The following NDEL1 variants were observed in gnomAD, a reference collection of about 807,000 sequenced individuals.
NDEL1 encodes nuclear distribution protein nudE-like 1.
A neutral mutation model predicts 45.7 loss-of-function variants in NDEL1; 9 were observed. That is an observed-to-expected ratio of 0.20 (90% confidence interval 0.12 to 0.34). The LOEUF (loss-of-function observed/expected upper bound fraction) is 0.34. NDEL1 is among the 10% of genes least tolerant of loss of function. NDEL1 has a pLI of 1.00. For synonymous variants in NDEL1, 133 were observed against 158.6 expected (o/e 0.84, Z 1.21); for missense variants, 306 against 406.2 (o/e 0.75, Z 2.12).
At chr17:8,439,139 C>T (rs1183079902) in intron 1 of NDEL1, among the ~76,000 whole-genome samples, 3 of 151,584 alleles carry the variant, frequency 2.0e-5, no homozygotes, top group Non-Finnish European at 4.4e-5. Flanking sequence ...GACGGGGTTT[C>T]ACCATGTTAG....
chr17:8,450,744 G>C, intron 5 of NDEL1, 36 bp from the exon 6 acceptor site: 1 of 1,577,420 alleles, frequency 6.3e-7, no homozygotes, highest in Non-Finnish European at 8.6e-7. Context: ...GCTCCCTCTA[G>C]TGAGTATTCC....
chr17:8,452,441 T>G (rs1165348486), intron 6 of NDEL1, among the ~76,000 whole-genome samples: 2 of 152,144 alleles, frequency 1.3e-5, no homozygotes, highest in Non-Finnish European at 2.9e-5. Context: ...GCCAACCCTA[T>G]GGCAGTAATA....
chr17:8,435,571 CA>C (rs2151702741), upstream of NDEL1, among the ~76,000 whole-genome samples: 1 of 152,358 alleles, frequency 6.6e-6, no homozygotes, highest in South Asian at 2.1e-4. Flanking sequence ...GGAACACAGA[CA>C]CATGGACACT....
chr17:8,416,039 G>A (rs773226190), intron 1 of NDEL1, among the ~76,000 whole-genome samples: 5 of 152,104 alleles, frequency 3.3e-5, no homozygotes, highest in Admixed American at 6.6e-5. Flanking sequence ...GAGCCACCGC[G>A]CCTGGCCCAT....
rs2151717018 is a variant in NDEL1, at chr17:8,445,642, A to G, written c.87-69A>G. The G allele has an allele frequency of 5.3e-6, 8 of 1,511,732 alleles. No homozygotes were observed. The South Asian group carries it at 6.7e-5, about 13-fold the overall frequency. 93.6% of individuals were successfully genotyped at this position (1,511,732 alleles called of 1,614,324 possible). ...CAAGCAAAAATTATCGAATTGCTCT[A>G]TAATCACCTCCAAGACAATCCTTGT... On this transcript the variant is annotated intron_variant, in intron 2 of 8. Coordinates refer to ENST00000334527, the MANE Select transcript of NDEL1 (RefSeq NM_030808.5).
chr17:8,436,517 C>A (rs1597522710), intron 1 of NDEL1: 3 of 152,372 alleles, frequency 2.0e-5, no homozygotes, highest in Admixed American at 1.3e-4. Context: ...CCATGGGGGG[C>A]GAGAGCGCGA....
intron 1 of NDEL1, among the ~76,000 whole-genome samples, chr17:8,428,349 T>TTTTTTTTTTTTTTTTTTTTCC (rs1908897164): frequency 7.4e-6 from 1 of 135,130 alleles, no homozygotes; most frequent in Non-Finnish European, 1.6e-5. Context: ...TGTGTGTGTG[T>TTTTTTTTTTTTTTTTTTTTCC]GTGTGTGTGT....
chr17:8,450,171 C>G (rs1408175150), intron 5 of NDEL1, among the ~76,000 whole-genome samples: 1 of 151,800 alleles, frequency 6.6e-6, no homozygotes, highest in Non-Finnish European at 1.5e-5. Flanking sequence ...CACCTGTAAT[C>G]CCAGCTACTT....
chr17:8,455,031 A>C, intron 7 of NDEL1, 144 bp downstream of exon 7: 1 of 742,734 alleles, frequency 1.3e-6, no homozygotes, highest in South Asian at 1.6e-5. Context: ...TCCATTGACT[A>C]GCCAAGTCCA....
intron 1 of NDEL1, among the ~76,000 whole-genome samples, chr17:8,414,909 C>G (rs899516191): frequency 6.6e-6 from 1 of 152,148 alleles, no homozygotes; most frequent in Non-Finnish European, 1.5e-5. Flanking sequence ...GATTATCTCT[C>G]AGTCTCTATT....
intron 1 of NDEL1, among the ~76,000 whole-genome samples, chr17:8,428,915 T>C (rs557956258): frequency 0.011 from 1,727 of 151,988 alleles, 13 homozygotes; most frequent in Non-Finnish European, 0.015. Context: ...CCTTGTGATC[T>C]GCCTGCCTTG....
intron 1 of NDEL1, among the ~76,000 whole-genome samples, chr17:8,437,064 A>G (rs1285086539): frequency 6.6e-6 from 1 of 152,230 alleles, no homozygotes; most frequent in Non-Finnish European, 1.5e-5. Flanking sequence ...CACCTAGGAT[A>G]AAAACGGCTG....
At chr17:8,428,617 C>T (rs1908916955) in intron 1 of NDEL1, among the ~76,000 whole-genome samples, 1 of 151,912 alleles carries the variant, frequency 6.6e-6, no homozygotes, top group African/African-American at 2.4e-5. Context: ...ACCACCCTGG[C>T]CTCCCAAAGT....
rs941225838 is a variant in NDEL1 at position 8,467,199 on chromosome 17, C to T, written c.*176C>T. Reference sequence around the variant, plus strand: ...GGCCCTGCCCAGCCCCGGAACTCTGCGCGATATCAATACTGGCTATTTTCT... The same window carrying T: ...GGCCCTGCCCAGCCCCGGAACTCTGTGCGATATCAATACTGGCTATTTTCT... On this transcript the variant is annotated 3_prime_UTR_variant, in exon 9 of 9. Transcript: ENST00000334527. This position sits in a 1 kb window ranked among gnomAD's most constrained non-coding sequence, Gnocchi z 6.3. 5 of 629,220 alleles carry T rather than the reference C, an allele frequency of 7.9e-6. No homozygotes were observed. The highest frequency in any genetic ancestry group is 2.8e-5 in the East Asian group (1 of 36,360). 39.0% of individuals were successfully genotyped at this position (629,220 alleles called of 1,614,324 possible).
intron 7 of NDEL1, among the ~76,000 whole-genome samples, chr17:8,456,198 G>T (rs1335718463): frequency 6.6e-6 from 1 of 152,200 alleles, no homozygotes. Flanking sequence ...CATCATAGGG[G>T]TTATTTTCTA....
chr17:8,447,670 A>G (rs1278004859), intron 4 of NDEL1, among the ~76,000 whole-genome samples: 1 of 152,202 alleles, frequency 6.6e-6, no homozygotes, highest in East Asian at 1.9e-4. Flanking sequence ...TTTCTGAACA[A>G]CGTGCAGTGG....
chr17:8,431,088 C>T (rs1232879810), upstream of NDEL1: 1 of 152,306 alleles, frequency 6.6e-6, no homozygotes, highest in East Asian at 1.9e-4. Flanking sequence ...ATGATGCCAA[C>T]ATTTTCCGAG....
At chr17:8,456,436 T>TA (rs1379980130) in intron 7 of NDEL1, among the ~76,000 whole-genome samples, 4 of 152,032 alleles carry the variant, frequency 2.6e-5, no homozygotes, top group Non-Finnish European at 5.9e-5. Context: ...TTTGTTCTTT[T>TA]AAAAAAATTA....
intron 1 of NDEL1, among the ~76,000 whole-genome samples, chr17:8,437,094 T>G (rs1038065402): frequency 6.6e-6 from 1 of 152,246 alleles, no homozygotes; most frequent in African/African-American, 2.4e-5. Context: ...GAGAAAAATC[T>G]TCCTGTGAAG....
Sources: gnomAD v4.1 joint callset for allele counts (sites outside exome capture counted in the v4.1 genomes callset) on GRCh38, gnomAD v4.1.1 for gene constraint, Gnocchi (gnomAD v3.1) non-coding constraint, MANE v1.5 for transcripts, NCBI Gene and HGNC (gene_info 2026-07-23, HGNC 2026-07-21) for gene names.